Variants in PDE4D observed in about 807,000 individuals in gnomAD.
PDE4D encodes phosphodiesterase 4D.
A neutral mutation model predicts 87.4 loss-of-function variants in PDE4D; 24 were observed. That is an observed-to-expected ratio of 0.27 (90% confidence interval 0.20 to 0.39). The LOEUF (loss-of-function observed/expected upper bound fraction) is 0.39. PDE4D is among the 10% of genes least tolerant of loss of function. The pLI is 1.00. For synonymous variants in PDE4D, 384 were observed against 383.2 expected (o/e 1.00, Z -0.02); for missense variants, 714 against 1,041.0 (o/e 0.69, Z 4.32).
chr5:60,286,409 T>C (rs1019981654), intron 1 of PDE4D, among the ~76,000 whole-genome samples: 3 of 152,146 alleles, frequency 2.0e-5, no homozygotes, highest in African/African-American at 7.2e-5. Flanking sequence ...TCCGTAGATA[T>C]TTGTACTCTA....
intron 2 of PDE4D, among the ~76,000 whole-genome samples, chr5:60,175,609 A>G (rs1019636722): frequency 6.6e-6 from 1 of 152,104 alleles, no homozygotes. Flanking sequence ...CTCCCCCTTT[A>G]GCTTTGGGTC....
At chr5:59,296,583 T>C (rs2153558214) in intron 1 of PDE4D, among the ~76,000 whole-genome samples, 1 of 152,296 alleles carries the variant, frequency 6.6e-6, no homozygotes, top group South Asian at 2.1e-4. Flanking sequence ...TCTCTTCTAA[T>C]CTTCAAAACA....
chr5:59,407,443 C>A lies in PDE4D; in HGVS notation c.456-191475G>T, dbSNP rs149936642. Among the ~76,000 whole-genome samples, 5 of 152,204 alleles carry A rather than the reference C, an allele frequency of 3.3e-5. No individual in the cohort carries two copies. In the East Asian group the frequency reaches 9.7e-4, roughly 29 times the overall value. On this transcript the variant is annotated intron_variant, in intron 1 of 14. Transcript: ENST00000340635. ...TTTCTTTATTGCAATGCCACAACAGCCTAATATAGAAGACTGGTACCAAGG... is the reference window on the plus strand; with the variant it reads ...TTTCTTTATTGCAATGCCACAACAGACTAATATAGAAGACTGGTACCAAGG...
At chr5:59,470,951 G>A (rs1802345706) in intron 1 of PDE4D, among the ~76,000 whole-genome samples, 2 of 152,124 alleles carry the variant, frequency 1.3e-5, no homozygotes, top group South Asian at 4.1e-4. Flanking sequence ...AAGCTAAATG[G>A]AGCCGAGTGC....
chr5:59,782,531 A>G (rs1423192978), intron 1 of PDE4D, among the ~76,000 whole-genome samples: 2 of 152,174 alleles, frequency 1.3e-5, no homozygotes, highest in African/African-American at 4.8e-5. Context: ...ATTTTGTCTT[A>G]ATAGCATGTT....
Position 60,261,625 on chromosome 5 carries a change from G to C in PDE4D, c.-89-75938C>G, listed in dbSNP as rs561198268. Among the ~76,000 whole-genome samples the C allele has an allele frequency of 5.3e-5, 8 of 152,176 alleles. No individual in the cohort carries two copies. In the South Asian group the frequency reaches 1.7e-3, roughly 32 times the overall value. Reference sequence around the variant, plus strand: ...TTGATTACTTTTGCTCATAATGAAAGAAAGAGGTGGGCTGAGTTTAGCACT... The same window carrying C: ...TTGATTACTTTTGCTCATAATGAAACAAAGAGGTGGGCTGAGTTTAGCACT... On this transcript the variant is annotated intron_variant, in intron 1 of 16. Transcript: ENST00000502484.
At chr5:59,453,694 G>C (rs1253604682) in intron 1 of PDE4D, among the ~76,000 whole-genome samples, 1 of 152,218 alleles carries the variant, frequency 6.6e-6, no homozygotes, top group Non-Finnish European at 1.5e-5. Flanking sequence ...AGAAGAAAAG[G>C]TTGAAGCCAG....
intron 1 of PDE4D, among the ~76,000 whole-genome samples, chr5:59,876,054 C>T (rs1748557888): frequency 6.6e-6 from 1 of 152,076 alleles, no homozygotes; most frequent in Admixed American, 6.5e-5. Context: ...TACAACAAGC[C>T]CCCATGACAC....
At chr5:59,102,634 G>C (rs564402945) in intron 5 of PDE4D, among the ~76,000 whole-genome samples, 35 of 152,316 alleles carry the variant, frequency 2.3e-4, no homozygotes, top group African/African-American at 7.7e-4. Flanking sequence ...AAGCCTGTCA[G>C]CTGAAGATGA....
At chr5:59,885,791 G>C (rs955385549) in intron 1 of PDE4D, among the ~76,000 whole-genome samples, 1 of 151,452 alleles carries the variant, frequency 6.6e-6, no homozygotes, top group Non-Finnish European at 1.5e-5. Flanking sequence ...ATTTCACTCT[G>C]TCTTCATAAT....
At chr5:59,825,295 A>G (rs1169709718) in intron 1 of PDE4D, among the ~76,000 whole-genome samples, 2 of 152,222 alleles carry the variant, frequency 1.3e-5, no homozygotes, top group Non-Finnish European at 2.9e-5. Context: ...ATCAGGTCTG[A>G]GCTAACCCAG....
chr5:59,608,221 T>C (rs143998679), intron 1 of PDE4D, among the ~76,000 whole-genome samples: 2 of 152,274 alleles, frequency 1.3e-5, no homozygotes, highest in African/African-American at 4.8e-5. Context: ...CAGAGAGTGC[T>C]GACAAGGATG....
intron 1 of PDE4D, among the ~76,000 whole-genome samples, chr5:60,256,022 T>A (rs1298316496): frequency 6.6e-6 from 1 of 151,910 alleles, no homozygotes; most frequent in Non-Finnish European, 1.5e-5. Flanking sequence ...AGCTCACAAT[T>A]TCAGTATTGC....
chr5:60,286,293 A>T lies in PDE4D; in HGVS notation c.-89-100606T>A, dbSNP rs1206872977. Among the ~76,000 whole-genome samples, 5 of 152,328 alleles carry T rather than the reference A, an allele frequency of 3.3e-5. 1 individual carries two copies. In the East Asian group the frequency reaches 7.7e-4, roughly 24 times the overall value. On this transcript the variant is annotated intron_variant, in intron 1 of 16. Transcript: ENST00000502484. Reference sequence around the variant, plus strand: ...CCATTCCCATGAAATACAACAAGCCATTGTAGATACTTAAGTAATATTGTC... The same window carrying T: ...CCATTCCCATGAAATACAACAAGCCTTTGTAGATACTTAAGTAATATTGTC...
intron 5 of PDE4D, among the ~76,000 whole-genome samples, chr5:59,154,981 A>G (rs1195555463): frequency 6.6e-6 from 1 of 152,224 alleles, no homozygotes; most frequent in African/African-American, 2.4e-5. Context: ...TAACTGAGAT[A>G]GGAAGAACAG....
chr5:59,782,561 T>C (rs1027777857), intron 1 of PDE4D, among the ~76,000 whole-genome samples: 1 of 152,194 alleles, frequency 6.6e-6, no homozygotes, highest in Admixed American at 6.5e-5. Context: ...CACAGGCCCA[T>C]AAATAGCCTA....
At chr5:59,556,703 G>A (rs1424005761) in intron 1 of PDE4D, among the ~76,000 whole-genome samples, 1 of 152,134 alleles carries the variant, frequency 6.6e-6, no homozygotes, top group Non-Finnish European at 1.5e-5. Flanking sequence ...TTCAGAGGAA[G>A]CACTATGACT....
intron 1 of PDE4D, among the ~76,000 whole-genome samples, chr5:59,718,431 T>C (rs1442618150): frequency 2.6e-5 from 4 of 152,120 alleles, no homozygotes; most frequent in African/African-American, 9.7e-5. Flanking sequence ...AATAGGAAAA[T>C]CTCTGGAATC....
At chr5:59,635,932 A>G (rs1832184149) in intron 1 of PDE4D, among the ~76,000 whole-genome samples, 1 of 152,220 alleles carries the variant, frequency 6.6e-6, no homozygotes, top group Non-Finnish European at 1.5e-5. Flanking sequence ...ATAGGAAGAG[A>G]GGATGTTAAA....
Sources: allele counts gnomAD v4.1 joint callset (sites outside exome capture counted in the v4.1 genomes callset), GRCh38; gene constraint gnomAD v4.1.1; transcripts MANE v1.5; gene names NCBI Gene and HGNC (gene_info 2026-07-23, HGNC 2026-07-21).